The following FLII variants were observed in gnomAD, a reference collection of about 807,000 sequenced individuals.
FLII encodes FLII actin remodeling protein.
Under a neutral mutation model 156.2 loss-of-function variants are expected in FLII, and 101 were observed. The ratio of observed to expected loss-of-function variants is 0.65; its 90% confidence interval spans 0.55 to 0.76. FLII has a LOEUF of 0.76. Ranked by LOEUF, FLII falls within the 30% of genes least tolerant of loss-of-function variation. FLII has a pLI of 0.00. For missense variants in FLII, 1,675 were observed against 1,682.8 expected, an observed-to-expected ratio of 1.00 and a Z score of 0.08; for synonymous variants, 767 against 685.8, an observed-to-expected ratio of 1.12 and a Z score of -1.85.
intron 2 of FLII, 99 bp downstream of exon 2, chr17:18,256,810 G>A (rs1440315241): frequency 2.1e-5 from 18 of 848,804 alleles, no homozygotes; most frequent in South Asian, 3.1e-5. Context: ...CATAGCTGTC[G>A]GTGTTCCTCT....
chr17:18,251,111 A>G (rs2048253471), intron 13 of FLII, 94 bp from the exon 14 acceptor site: 8 of 1,456,910 alleles, frequency 5.5e-6, no homozygotes, highest in Non-Finnish European at 6.4e-6. Flanking sequence ...TCCCAGCCCC[A>G]GGGGCTTTGT....
intron 18 of FLII, 54 bp downstream of exon 18, chr17:18,248,496 C>T (rs2048158445): frequency 5.9e-6 from 9 of 1,529,454 alleles, no homozygotes; most frequent in Non-Finnish European, 8.0e-6. Flanking sequence ...GTCCATTCCC[C>T]CAGTCGGTGG....
intron 8 of FLII, 27 bp downstream of exon 8, chr17:18,253,516 AT>A: frequency 6.2e-7 from 1 of 1,613,188 alleles, no homozygotes; most frequent in Admixed American, 1.7e-5. Flanking sequence ...CCTTCCTCCC[AT>A]CCCCCTACTG....
At chr17:18,247,508 G>T in intron 20 of FLII, 149 bp downstream of exon 20, 1 of 1,031,564 alleles carries the variant, frequency 9.7e-7, no homozygotes, top group Non-Finnish European at 1.4e-6. Flanking sequence ...AGGAGGGGCA[G>T]CTTGCAGAGG....
chr17:18,256,912 C>G lies in FLII; in HGVS notation c.171G>C (p.Lys57Asn). 6.2e-7 allele frequency: 1 copy of G among 1,604,454 alleles called. No individual in the cohort carries two copies. The highest frequency in any genetic ancestry group is 8.5e-7 in the Non-Finnish European group (1 of 1,175,022). Residue 57 changes from lysine to asparagine, a missense_variant, in exon 2 of 30, where the codon AAG becomes AAC. Lys to Asn is a moderately conservative substitution (Grantham distance 94). This residue lies in a region of FLII where 343 missense variants were observed against 413.5 expected (regional missense o/e 0.83). Coordinates refer to ENST00000327031, the MANE Select transcript of FLII (RefSeq NM_002018.4). ...CTGCCCGCCCAAACCCCCTTACCAGCTTCTGCAGGGCGGCCAGCTCCTCGG... is the reference window on the plus strand; with the variant it reads ...CTGCCCGCCCAAACCCCCTTACCAGGTTCTGCAGGGCGGCCAGCTCCTCGG... ...YLPEELAALQ[K>N]LEHLSVSHNN...
chr17:18,253,910 T>TA (rs1443341228), intron 7 of FLII, 169 bp downstream of exon 7: 13 of 760,014 alleles, frequency 1.7e-5, no homozygotes, highest in Non-Finnish European at 2.7e-5. Context: ...TTTCTAGGCA[T>TA]AAAGTCAGTG....
At chr17:18,255,314 G>A in intron 3 of FLII, 51 bp from the exon 4 acceptor site, 2 of 1,474,680 alleles carry the variant, frequency 1.4e-6, no homozygotes, top group Non-Finnish European at 1.9e-6. Flanking sequence ...CTCTCAGGAA[G>A]GAACAGAGTC....
At chr17:18,250,735 G>T in intron 14 of FLII, 103 bp downstream of exon 14, 1 of 1,274,788 alleles carries the variant, frequency 7.8e-7, no homozygotes. Flanking sequence ...CCAGCTCCCT[G>T]CCTGCCCACC....
In FLII at chr17:18,254,804, G is replaced by T. The variant is rs1296492341; in HGVS notation, c.378C>A (p.Ala126=). The T allele has an allele frequency of 6.2e-7, 1 of 1,614,148 alleles. No homozygotes were observed. Among genetic ancestry groups the T allele is most frequent in the Admixed American group, 1.7e-5 (1 of 60,016 alleles). ...LTECPRELEN[A]KNMLVLNLSH... is the part of the protein sequence containing the mutation. ...TGAGGTTCAGCACCAGCATGTTCTT[G>T]GCGTTCTCCAGCTCCCGCGGGCACT... Residue 126 remains alanine, a synonymous_variant, in exon 5 of 30, where the codon GCC becomes GCA. Coordinates refer to ENST00000327031, the MANE Select transcript of FLII (RefSeq NM_002018.4).
chr17:18,248,643 G>A lies in FLII; in HGVS notation c.2097C>T (p.Leu699=), dbSNP rs2048163972. 1 of 1,613,788 alleles carries A rather than the reference G, an allele frequency of 6.2e-7. No homozygotes were observed. Among genetic ancestry groups the A allele is most frequent in the African/African-American group, 1.3e-5 (1 of 74,894 alleles). ...EITLLVQGQE[L]PEFWEALGGE... Reference sequence around the variant, plus strand: ...CACCCAGTGCCTCCCAGAACTCTGGGAGCTCCTGGCCCTGCACCAGCAGTG... The same window carrying A: ...CACCCAGTGCCTCCCAGAACTCTGGAAGCTCCTGGCCCTGCACCAGCAGTG... Residue 699 remains leucine, a synonymous_variant, in exon 18 of 30, where the codon CTC becomes CTT. Coordinates refer to ENST00000327031, the MANE Select transcript of FLII (RefSeq NM_002018.4).
chr17:18,252,686 C>A, intron 9 of FLII, 130 bp from the exon 10 acceptor site: 1 of 704,886 alleles, frequency 1.4e-6, no homozygotes, highest in Non-Finnish European at 2.5e-6. Flanking sequence ...CATTCTCTGC[C>A]TGAAGGACTT....
At chr17:18,255,780 C>T (rs1597923350) in intron 3 of FLII, among the ~76,000 whole-genome samples, 1 of 152,238 alleles carries the variant, frequency 6.6e-6, no homozygotes, top group South Asian at 2.1e-4. Flanking sequence ...AGCTGCCCCG[C>T]CACTTCTCCA....
chr17:18,256,893 G>T lies in FLII; in HGVS notation c.174+16C>A. ...CATCCACAGGGACCCTCCCCTGCCC[G>T]CCCAAACCCCCTTACCAGCTTCTGC... is the stretch of plus-strand genomic sequence containing the variant. On this transcript the variant is annotated intron_variant, in intron 2 of 29. Coordinates refer to ENST00000327031, the MANE Select transcript of FLII (RefSeq NM_002018.4). 1 of 1,566,684 alleles carries T rather than the reference G, an allele frequency of 6.4e-7. No homozygotes were observed. Among genetic ancestry groups the T allele is most frequent in the African/African-American group, 1.4e-5 (1 of 74,014 alleles).
rs2048089387 is a variant in FLII, at chr17:18,247,061, G to A, written c.2677-9C>T. 1.2e-6 allele frequency: 2 copies of A among 1,611,760 alleles called. No individual in the cohort carries two copies. The highest frequency in any genetic ancestry group is 8.5e-7 in the Non-Finnish European group (1 of 1,179,818). On this transcript the variant is annotated splice_polypyrimidine_tract_variant and intron_variant, in intron 21 of 29. Coordinates refer to ENST00000327031, the MANE Select transcript of FLII (RefSeq NM_002018.4). Reference sequence around the variant, plus strand: ...TCCATCAGCTGCTCCGCCTGCAGGTGAGAGGGACCCGCCCCGCGGCAGGTC... The same window carrying A: ...TCCATCAGCTGCTCCGCCTGCAGGTAAGAGGGACCCGCCCCGCGGCAGGTC...
Position 18,253,866 on chromosome 17 carries a change from G to A in FLII, c.680-147C>T, listed in dbSNP as rs184444520. The A allele has an allele frequency of 3.0e-4, 272 of 897,160 alleles. No homozygotes were observed. The African/African-American group carries it at 4.3e-3, about 14-fold the overall frequency. The allele number at this position is 897,160 out of a possible 1,614,324, so 55.6% of individuals were successfully genotyped here. On this transcript the variant is annotated intron_variant, in intron 7 of 29. Coordinates refer to ENST00000327031, the MANE Select transcript of FLII (RefSeq NM_002018.4). Reference sequence around the variant, plus strand: ...CTGTGCGCCCAAGTTTCTCCATTTGGACAAACTCCCTCACATGGGGGTTGC... The same window carrying A: ...CTGTGCGCCCAAGTTTCTCCATTTGAACAAACTCCCTCACATGGGGGTTGC...
chr17:18,245,897 C>T (rs2048028646), intron 26 of FLII, 37 bp downstream of exon 26: 11 of 1,614,032 alleles, frequency 6.8e-6, no homozygotes, highest in Non-Finnish European at 9.3e-6. Context: ...TGCCCTGGCT[C>T]CTCTGTGTGT....
In FLII at chr17:18,251,738, G is replaced by T; in HGVS notation, c.1325C>A (p.Ala442Asp). ...RRKDSAQDDQ[A>D]KQVLKGMSDV... ...TGACATGCCCTTCAGCACCTGCTTG[G>T]CCTGGTCATCCTGGGCTGAATCCTT... Residue 442 changes from alanine (A) to aspartate (D), a missense_variant, in exon 12 of 30, where the codon GCC becomes GAC. By Grantham distance (126) the Ala-to-Asp change is moderately radical. Around this residue, in one of 2 missense-constraint regions of FLII, gnomAD observed 1,332 missense variants for 1,269.3 expected, o/e 1.05. Transcript: ENST00000327031. 6.2e-7 allele frequency: 1 copy of T among 1,614,032 alleles called. No individual in the cohort carries two copies. The highest frequency in any genetic ancestry group is 8.5e-7 in the Non-Finnish European group (1 of 1,180,032).
upstream of FLII, chr17:18,258,782 GC>G: frequency 1.1e-6 from 1 of 907,868 alleles, no homozygotes; most frequent in Non-Finnish European, 1.4e-6. The surrounding 1 kb of genome is among the most constrained non-coding windows in gnomAD (Gnocchi z 4.2). Flanking sequence ...CGCCGGCCCC[GC>G]CCCTTTAACC....
chr17:18,252,105 G>A lies in FLII; in HGVS notation c.1140C>T (p.Pro380=). The A allele has an allele frequency of 6.2e-7, 1 of 1,613,396 alleles. No homozygotes were observed. Among genetic ancestry groups the A allele is most frequent in the Non-Finnish European group, 8.5e-7 (1 of 1,180,022 alleles). The change falls in exon 11 of 30, where the codon CCC becomes CCT. Residue 380 remains proline (P), a synonymous_variant. Transcript: ENST00000327031. ...ACTCAGCGGCACGGTCTGCGGGCTT[G>A]GGCGGCATGACCAGGTTGGGGTTCT... is the stretch of plus-strand genomic sequence containing the variant. ...VRENPNLVMP[P]KPADRAAEWY...
Sources: gnomAD v4.1 joint callset for allele counts (sites outside exome capture counted in the v4.1 genomes callset) on GRCh38, gnomAD v4.1.1 for gene constraint, gnomAD v4.1.1 regional missense constraint, Gnocchi (gnomAD v3.1) non-coding constraint, MANE v1.5 for transcripts, NCBI Gene and HGNC (gene_info 2026-07-23, HGNC 2026-07-21) for gene names.